The following ZCWPW2 variants were observed in gnomAD, a reference collection of about 807,000 sequenced individuals.
The protein encoded by ZCWPW2 is zinc finger CW-type and PWWP domain containing 2, also known as zinc finger CW-type PWWP domain protein 2.
ZCWPW2 carries 45 observed loss-of-function variants against 46.6 expected under a neutral mutation model. That is an observed-to-expected ratio of 0.96 (90% CI 0.76 to 1.24). ZCWPW2 has a LOEUF of 1.24. Ranked by LOEUF, ZCWPW2 falls within the 50% of genes most tolerant of loss-of-function variation. The pLI, the probability that ZCWPW2 is intolerant of heterozygous loss-of-function variation, is 0.00. For synonymous variants in ZCWPW2, 152 were observed against 137.1 expected, an observed-to-expected ratio of 1.11 and a Z score of -0.76; for missense variants, 429 against 403.9, an observed-to-expected ratio of 1.06 and a Z score of -0.53.
chr3:28,353,757 A>G lies in ZCWPW2; in HGVS notation c.-134+4554A>G, dbSNP rs1480670579. Among the ~76,000 whole-genome samples, 8 of 152,328 alleles carry G rather than the reference A, an allele frequency of 5.3e-5. No individual in the cohort carries two copies. The South Asian group carries it at 1.5e-3, about 28-fold the overall frequency. ...ATGCAGTGATTTTTCTGGCAGAAAC[A>G]TGGTGAAGAAAAATTAATGGTCCTA... On this transcript the variant is annotated intron_variant, in intron 1 of 9. Coordinates refer to ENST00000383768, the MANE Select transcript of ZCWPW2 (RefSeq NM_001040432.4).
At chr3:28,352,167 C>CAT (rs143184926) in intron 1 of ZCWPW2, among the ~76,000 whole-genome samples, 6 of 147,616 alleles carry the variant, frequency 4.1e-5, no homozygotes, top group East Asian at 2.0e-4. Flanking sequence ...CACACACACA[C>CAT]GAGAGAGAAT....
At chr3:28,376,936 T>C (rs900622525) in intron 1 of ZCWPW2, among the ~76,000 whole-genome samples, 2 of 152,164 alleles carry the variant, frequency 1.3e-5, no homozygotes, top group African/African-American at 2.4e-5. Context: ...GTGAACATAC[T>C]GTTTAAGCAT....
At chr3:28,414,700 A>G (rs1696568299) in intron 3 of ZCWPW2, among the ~76,000 whole-genome samples, 1 of 107,926 alleles carries the variant, frequency 9.3e-6, no homozygotes, top group South Asian at 3.7e-4. Context: ...GAGTGAGAAC[A>G]TGCGGTGTTT....
At position 28,516,550 on chromosome 3, in the gene ZCWPW2, G is replaced by T. The variant is rs145762555; in HGVS notation, c.784+929G>T. ...ATTTTCTTTAGTCTTGAAAAGCAGTGAAATGCTTATTTGCAATGTGGAACT... is the reference window on the plus strand; with the variant it reads ...ATTTTCTTTAGTCTTGAAAAGCAGTTAAATGCTTATTTGCAATGTGGAACT... On this transcript the variant is annotated intron_variant, in intron 8 of 9. Coordinates refer to ENST00000383768, the MANE Select transcript of ZCWPW2 (RefSeq NM_001040432.4). 2.4e-4 allele frequency among the ~76,000 whole-genome samples: 37 copies of T among 152,204 alleles called. 1 individual carries two copies. The East Asian group carries it at 5.4e-3, about 22-fold the overall frequency.
chr3:28,503,370 C>A (rs138469866), intron 6 of ZCWPW2, among the ~76,000 whole-genome samples: 59 of 152,194 alleles, frequency 3.9e-4, no homozygotes, highest in Middle Eastern at 3.4e-3. Flanking sequence ...AAAATGTAAT[C>A]CTTTCTCTCT....
At chr3:28,359,426 C>G (rs1408887775) in intron 1 of ZCWPW2, among the ~76,000 whole-genome samples, 1 of 151,974 alleles carries the variant, frequency 6.6e-6, no homozygotes, top group Non-Finnish European at 1.5e-5. Context: ...CTAGGATTTT[C>G]TAGTAGAGCT....
intron 2 of ZCWPW2, among the ~76,000 whole-genome samples, chr3:28,409,542 A>G (rs1696312304): frequency 6.6e-6 from 1 of 152,162 alleles, no homozygotes; most frequent in Non-Finnish European, 1.5e-5. Context: ...GATAATTATG[A>G]CAAATTTTGA....
At chr3:28,410,583 A>T (rs1575104656) in intron 2 of ZCWPW2, among the ~76,000 whole-genome samples, 1 of 143,620 alleles carries the variant, frequency 7.0e-6, no homozygotes, top group East Asian at 2.0e-4. Flanking sequence ...TACCTTCTGA[A>T]TTTTTTAAAT....
chr3:28,348,985 A>G lies in ZCWPW2; in HGVS notation c.-352A>G. The G allele has an allele frequency of 2.0e-6, 2 of 985,740 alleles. No individual in the cohort carries two copies. Among genetic ancestry groups the G allele is most frequent in the South Asian group, 4.7e-5 (1 of 21,304 alleles). 61.1% of individuals were successfully genotyped at this position (985,740 alleles called of 1,614,324 possible). ...AAGTGTGGATGAGCTCTCAGCCGGA[A>G]AAGGGGCTGCCGCTGTCCGCGGGCT... On this transcript the variant is annotated 5_prime_UTR_variant, in exon 1 of 10. Transcript: ENST00000383768.
intron 2 of ZCWPW2, among the ~76,000 whole-genome samples, chr3:28,398,860 A>T (rs1357131941): frequency 6.6e-6 from 1 of 152,210 alleles, no homozygotes; most frequent in Non-Finnish European, 1.5e-5. Flanking sequence ...GGCCAGAAGC[A>T]CTGAGAAAAG....
chr3:28,384,100 G>C (rs1254274881), intron 1 of ZCWPW2, among the ~76,000 whole-genome samples: 1 of 152,000 alleles, frequency 6.6e-6, no homozygotes, highest in Non-Finnish European at 1.5e-5. Flanking sequence ...TTAAATTTGG[G>C]TAATACATTT....
In ZCWPW2 at chr3:28,392,333, C is replaced by G. The variant is rs562821220; in HGVS notation, c.-14+1716C>G. On this transcript the variant is annotated intron_variant, in intron 2 of 9. Transcript: ENST00000383768. ...ATATATAAGGCAAATATTAATAGAT[C>G]TGAAGGCAGAAATAGACAGGAATAC... 3.9e-5 allele frequency among the ~76,000 whole-genome samples: 6 copies of G among 152,262 alleles called. No individual in the cohort carries two copies. In the South Asian group the frequency reaches 1.2e-3, roughly 32 times the overall value.
rs1025083096 is a variant in ZCWPW2 at position 28,451,758 on chromosome 3, C to G, written c.492+16489C>G. 4.7e-4 allele frequency among the ~76,000 whole-genome samples: 71 copies of G among 152,184 alleles called. 1 individual carries two copies. Among genetic ancestry groups the G allele is most frequent in the African/African-American group, 1.6e-3 (65 of 41,450 alleles). ...TTAGTAAACAAGTTTATAGCTTCAT[C>G]ATCTGGCAGCATTTTGCCATCAGAG... On this transcript the variant is annotated intron_variant, in intron 4 of 9. Coordinates refer to ENST00000383768, the MANE Select transcript of ZCWPW2 (RefSeq NM_001040432.4).
At chr3:28,474,803 ATTTG>A (rs869105208) in intron 4 of ZCWPW2, among the ~76,000 whole-genome samples, 3 of 89,704 alleles carry the variant, frequency 3.3e-5, no homozygotes, top group Non-Finnish European at 7.2e-5. Flanking sequence ...TGTCTGAACT[ATTTG>A]TTGTTGTTGT....
At chr3:28,401,656 A>C (rs1458009011) in intron 2 of ZCWPW2, among the ~76,000 whole-genome samples, 1 of 152,262 alleles carries the variant, frequency 6.6e-6, no homozygotes, top group Admixed American at 6.5e-5. Flanking sequence ...AGCACATGGA[A>C]CTTTCTCCAA....
intron 2 of ZCWPW2, among the ~76,000 whole-genome samples, chr3:28,407,664 A>G (rs1439387178): frequency 6.6e-6 from 1 of 152,202 alleles, no homozygotes; most frequent in Non-Finnish European, 1.5e-5. Context: ...TCAAGACTTT[A>G]TAATTTTAAA....
chr3:28,453,791 T>TTGTG (rs1559510741), intron 4 of ZCWPW2, among the ~76,000 whole-genome samples: 3 of 148,414 alleles, frequency 2.0e-5, no homozygotes, highest in African/African-American at 7.6e-5. Context: ...AAGTTTATAA[T>TTGTG]TGTGTATATT....
intron 2 of ZCWPW2, among the ~76,000 whole-genome samples, chr3:28,403,138 C>T (rs1481696520): frequency 6.6e-6 from 1 of 152,054 alleles, no homozygotes; most frequent in East Asian, 1.9e-4. Context: ...TGAGTGTTTA[C>T]CTAGAGAACC....
intron 4 of ZCWPW2, among the ~76,000 whole-genome samples, chr3:28,463,469 T>C (rs1698717532): frequency 6.6e-6 from 1 of 152,190 alleles, no homozygotes; most frequent in African/African-American, 2.4e-5. Flanking sequence ...AAAATTTGTC[T>C]GTTTTGCTGT....
Sources: gnomAD v4.1 joint callset for allele counts (sites outside exome capture counted in the v4.1 genomes callset) on GRCh38, gnomAD v4.1.1 for gene constraint, MANE v1.5 for transcripts, NCBI Gene and HGNC (gene_info 2026-07-23, HGNC 2026-07-21) for gene names.